Variants in RTKN2 observed in about 807,000 individuals in gnomAD.
RTKN2 encodes rhotekin 2, also known as rhotekin-2.
A neutral mutation model predicts 71.5 loss-of-function variants in RTKN2; 69 were observed. The ratio of observed to expected loss-of-function variants is 0.96; its 90% CI spans 0.79 to 1.18. The LOEUF is 1.18. RTKN2 is among the 50% of genes most tolerant of loss of function. The probability of loss-of-function intolerance (pLI) is 0.00; values close to 1 mark genes in which losing one functional copy is unlikely to be tolerated. For synonymous variants in RTKN2, 236 were observed against 236.5 expected (o/e 1.00, Z 0.02); for missense variants, 724 against 719.7 (o/e 1.01, Z -0.07).
intron 2 of RTKN2, among the ~76,000 whole-genome samples, chr10:62,249,908 G>A (rs1180808882): frequency 6.6e-6 from 1 of 152,192 alleles, no homozygotes; most frequent in African/African-American, 2.4e-5. Context: ...ATCAGGGAAT[G>A]ACTTACCAGT....
chr10:62,211,115 C>A (rs542336525), intron 9 of RTKN2, among the ~76,000 whole-genome samples: 1 of 151,922 alleles, frequency 6.6e-6, no homozygotes, highest in Non-Finnish European at 1.5e-5. Flanking sequence ...TTTTTTTAAC[C>A]GTCACACCCC....
At chr10:62,248,257 G>C (rs904599266) in intron 2 of RTKN2, among the ~76,000 whole-genome samples, 5 of 151,958 alleles carry the variant, frequency 3.3e-5, no homozygotes, top group African/African-American at 4.8e-5. Flanking sequence ...AAAAATGAGA[G>C]GAGAAAAACT....
At chr10:62,237,870 T>C (rs2132985499) in intron 5 of RTKN2, among the ~76,000 whole-genome samples, 1 of 151,748 alleles carries the variant, frequency 6.6e-6, no homozygotes, top group Admixed American at 6.6e-5. Context: ...GATATATATT[T>C]ATCAAATAAA....
chr10:62,187,802 C>T (rs905580098), intron 8 of RTKN2, among the ~76,000 whole-genome samples: 1 of 152,134 alleles, frequency 6.6e-6, no homozygotes, highest in African/African-American at 2.4e-5. Flanking sequence ...TATGAGGATG[C>T]TCCCCAATAC....
At chr10:62,189,564 G>A (rs1220518153), downstream of RTKN2, among the ~76,000 whole-genome samples, 4 of 152,134 alleles carry the variant, frequency 2.6e-5, no homozygotes, top group Non-Finnish European at 4.4e-5. Flanking sequence ...AGTGGCAAAC[G>A]TCTGTAATCC....
intron 10 of RTKN2, among the ~76,000 whole-genome samples, chr10:62,201,141 T>C (rs575266157): frequency 1.9e-4 from 29 of 152,254 alleles, no homozygotes; most frequent in African/African-American, 5.5e-4. Context: ...CTTATACCAA[T>C]AGAAAAGTAA....
intron 2 of RTKN2, among the ~76,000 whole-genome samples, chr10:62,249,376 C>A (rs1463915874): frequency 8.7e-5 from 3 of 34,312 alleles, no homozygotes; most frequent in African/African-American, 3.6e-4. Flanking sequence ...GCAGGGGTTG[C>A]GGGGTTGGGG....
chr10:62,260,691 G>C (rs1564531114), intron 2 of RTKN2, among the ~76,000 whole-genome samples: 1 of 152,072 alleles, frequency 6.6e-6, no homozygotes, highest in Non-Finnish European at 1.5e-5. Flanking sequence ...TTATTTAATA[G>C]TTTTTATACA....
chr10:62,197,789 TATTA>T lies in RTKN2; in HGVS notation c.*115_*118del. On this transcript the variant is annotated 3_prime_UTR_variant, in exon 12 of 12. Coordinates refer to ENST00000373789, the MANE Select transcript of RTKN2 (RefSeq NM_145307.4). ...AAATGTTTTTCTATACCTAATAGCT[TATTA>T]ATTATTGGTATAAATCACTATATTT... The T allele has an allele frequency of 7.0e-7, 1 of 1,428,888 alleles. No homozygotes were observed. The highest frequency in any genetic ancestry group is 9.2e-7 in the Non-Finnish European group (1 of 1,090,344). The allele number at this position is 1,428,888 out of a possible 1,614,324, so 88.5% of individuals were successfully genotyped here.
At chr10:62,233,639 TA>T (rs1842197019) in intron 6 of RTKN2, among the ~76,000 whole-genome samples, 1 of 152,156 alleles carries the variant, frequency 6.6e-6, no homozygotes, top group Admixed American at 6.5e-5. Flanking sequence ...TAGTAAGGGT[TA>T]AGAATTACTT....
chr10:62,249,252 A>G (rs562054760), intron 2 of RTKN2, among the ~76,000 whole-genome samples: 7 of 152,188 alleles, frequency 4.6e-5, no homozygotes, highest in Admixed American at 2.0e-4. Context: ...AAAAATCACA[A>G]TTATGTTGAA....
At chr10:62,246,889 A>G (rs1007763879) in intron 2 of RTKN2, among the ~76,000 whole-genome samples, 2 of 152,046 alleles carry the variant, frequency 1.3e-5, no homozygotes, top group African/African-American at 2.4e-5. Flanking sequence ...AACTTTAAAA[A>G]GATAGAAACA....
chr10:62,209,046 G>T (rs1841604904), intron 9 of RTKN2, among the ~76,000 whole-genome samples: 1 of 152,178 alleles, frequency 6.6e-6, no homozygotes, highest in Non-Finnish European at 1.5e-5. Context: ...GAGGCAGGTG[G>T]ATCACTTGAG....
intron 9 of RTKN2, 33 bp from the exon 10 acceptor site, chr10:62,205,055 T>C (rs750420669): frequency 6.5e-7 from 1 of 1,540,482 alleles, no homozygotes; most frequent in South Asian, 1.3e-5. Context: ...GGGTTTTGCA[T>C]GAGAAAATTT....
chr10:62,245,515 C>T (rs1203008285), intron 3 of RTKN2, among the ~76,000 whole-genome samples: 1 of 152,112 alleles, frequency 6.6e-6, no homozygotes, highest in African/African-American at 2.4e-5. Context: ...GAAGAGCAGC[C>T]ATCCATCCAA....
chr10:62,258,799 G>A (rs558392534), intron 2 of RTKN2, among the ~76,000 whole-genome samples: 2 of 152,130 alleles, frequency 1.3e-5, no homozygotes, highest in South Asian at 4.2e-4. Flanking sequence ...ATAAAGCCCT[G>A]TAATAGCTCA....
intron 1 of RTKN2, 97 bp downstream of exon 1, chr10:62,268,454 G>A: frequency 5.2e-6 from 6 of 1,145,678 alleles, no homozygotes; most frequent in Admixed American, 4.0e-5. Flanking sequence ...TAGAGGAGCG[G>A]GGGAGAGGCT....
chr10:62,224,641 T>C (rs1223148254), intron 6 of RTKN2, among the ~76,000 whole-genome samples: 1 of 152,042 alleles, frequency 6.6e-6, no homozygotes, highest in Non-Finnish European at 1.5e-5. Flanking sequence ...CAAGTTGGAA[T>C]GCAACTTTTT....
intron 2 of RTKN2, among the ~76,000 whole-genome samples, chr10:62,259,870 G>A (rs948230503): frequency 2.0e-5 from 3 of 151,970 alleles, no homozygotes; most frequent in East Asian, 3.9e-4. Context: ...AATTTTTCTC[G>A]GAATGCTGCC....
Sources: gnomAD v4.1 joint callset for allele counts (sites outside exome capture counted in the v4.1 genomes callset) on GRCh38, gnomAD v4.1.1 for gene constraint, MANE v1.5 for transcripts, NCBI Gene and HGNC (gene_info 2026-07-23, HGNC 2026-07-21) for gene names.